Variants in SLC9C1 observed in about 807,000 individuals in gnomAD.
SLC9C1 encodes solute carrier family 9 member C1.
A neutral mutation model predicts 140.9 loss-of-function variants in SLC9C1; 97 were observed. That is an observed-to-expected ratio of 0.69 (90% CI 0.58 to 0.82). SLC9C1 has a LOEUF of 0.82. SLC9C1 is among the 40% of genes least tolerant of loss of function. The pLI is 0.00. For missense variants in SLC9C1, 1,340 were observed against 1,389.3 expected, an observed-to-expected ratio of 0.96 and a Z score of 0.56; for synonymous variants, 440 against 442.6, an observed-to-expected ratio of 0.99 and a Z score of 0.07.
At chr3:112,253,282 G>C (rs1411951810) in intron 10 of SLC9C1, among the ~76,000 whole-genome samples, 1 of 152,314 alleles carries the variant, frequency 6.6e-6, no homozygotes, top group East Asian at 1.9e-4. Flanking sequence ...GAAGGCAACA[G>C]TGAGATCACA....
At chr3:112,227,936 C>G (rs988349324) in intron 13 of SLC9C1, among the ~76,000 whole-genome samples, 1 of 152,004 alleles carries the variant, frequency 6.6e-6, no homozygotes, top group Admixed American at 6.6e-5. Flanking sequence ...GGAAGACATC[C>G]CATGTTCATA....
At chr3:112,265,984 A>G (rs1444302868) in intron 8 of SLC9C1, among the ~76,000 whole-genome samples, 1 of 152,142 alleles carries the variant, frequency 6.6e-6, no homozygotes, top group Non-Finnish European at 1.5e-5. Context: ...ATTATTGAGG[A>G]GATAATCAGA....
At chr3:112,293,674 A>G (rs1407654783) in intron 1 of SLC9C1, among the ~76,000 whole-genome samples, 1 of 152,116 alleles carries the variant, frequency 6.6e-6, no homozygotes, top group Non-Finnish European at 1.5e-5. Context: ...TGGGTGGGCT[A>G]TTGCCCTCCT....
chr3:112,179,473 T>G, intron 23 of SLC9C1, 58 bp downstream of exon 23: 2 of 1,527,122 alleles, frequency 1.3e-6, no homozygotes, highest in African/African-American at 1.4e-5. Context: ...TAAAATAACC[T>G]TAAATCTGAT....
chr3:112,149,602 G>A (rs1470052756), intron 28 of SLC9C1, among the ~76,000 whole-genome samples: 1 of 152,074 alleles, frequency 6.6e-6, no homozygotes, highest in African/African-American at 2.4e-5. Context: ...CACAATCTAT[G>A]TCTAGGGAGG....
intron 21 of SLC9C1, 135 bp from the exon 22 acceptor site, chr3:112,180,797 G>A: frequency 1.5e-6 from 1 of 667,588 alleles, no homozygotes; most frequent in Non-Finnish European, 2.5e-6. Context: ...GTGCAGTGGT[G>A]CAATCTTGGC....
chr3:112,150,264 C>G (rs1249023707), intron 28 of SLC9C1, among the ~76,000 whole-genome samples: 1 of 152,188 alleles, frequency 6.6e-6, no homozygotes, highest in Non-Finnish European at 1.5e-5. Flanking sequence ...GCATCCTGCT[C>G]TCATCCCAGG....
intron 19 of SLC9C1, among the ~76,000 whole-genome samples, chr3:112,199,693 A>G (rs527635750): frequency 1.3e-5 from 2 of 152,154 alleles, no homozygotes; most frequent in Non-Finnish European, 2.9e-5. Context: ...GCCCAAGTCC[A>G]TGGAGAAGGA....
intron 15 of SLC9C1, among the ~76,000 whole-genome samples, chr3:112,210,519 G>C (rs2078173473): frequency 6.6e-6 from 1 of 152,206 alleles, no homozygotes; most frequent in Non-Finnish European, 1.5e-5. Context: ...ACAGACTGGT[G>C]CTTTCCAGGA....
intron 13 of SLC9C1, among the ~76,000 whole-genome samples, chr3:112,225,698 G>T (rs924067184): frequency 1.3e-5 from 2 of 152,010 alleles, no homozygotes; most frequent in Non-Finnish European, 2.9e-5. Flanking sequence ...CTGTAAAGAC[G>T]CCCACAGACT....
chr3:112,197,636 A>G (rs748575409), intron 20 of SLC9C1, among the ~76,000 whole-genome samples: 10 of 152,172 alleles, frequency 6.6e-5, no homozygotes, highest in Non-Finnish European at 1.3e-4. Flanking sequence ...GATTTCCAAA[A>G]TAGTTACATC....
At chr3:112,263,382 G>A (rs576555024) in intron 9 of SLC9C1, among the ~76,000 whole-genome samples, 3 of 152,012 alleles carry the variant, frequency 2.0e-5, no homozygotes, top group Non-Finnish European at 2.9e-5. Context: ...AGAAAAGTTC[G>A]AGATGTGTTG....
At chr3:112,177,979 T>C (rs922977807) in intron 23 of SLC9C1, among the ~76,000 whole-genome samples, 13 of 151,928 alleles carry the variant, frequency 8.6e-5, no homozygotes, top group African/African-American at 3.1e-4. Context: ...AAATATCATT[T>C]AGTATTCTGT....
In SLC9C1 at chr3:112,202,355, A is replaced by ACTC; in HGVS notation, c.2214_2216dup (p.Met738_Ser739insArg). 6.2e-7 allele frequency: 1 copy of ACTC among 1,607,408 alleles called. No homozygotes were observed. Among genetic ancestry groups the ACTC allele is most frequent in the Non-Finnish European group, 8.5e-7 (1 of 1,176,842 alleles). ...TTCCATACCAAAAGGTCTTCTGATG[A>ACTC]CTCATTCTTTTATCTATTATTTGCA... On this transcript the variant is annotated inframe_insertion, in exon 18 of 29. Transcript: ENST00000305815.
intron 20 of SLC9C1, chr3:112,185,978 G>C: frequency 6.4e-7 from 1 of 1,556,168 alleles, no homozygotes; most frequent in Non-Finnish European, 8.6e-7. Flanking sequence ...CTCTGCTGCC[G>C]GCTGGGACCC....
chr3:112,144,559 T>C (rs2074729732), intron 28 of SLC9C1, among the ~76,000 whole-genome samples: 1 of 152,214 alleles, frequency 6.6e-6, no homozygotes, highest in Admixed American at 6.5e-5. Flanking sequence ...TTTAACAATA[T>C]TGATTCTTCT....
chr3:112,202,474 A>C, intron 17 of SLC9C1, 75 bp from the exon 18 acceptor site: 3 of 1,382,744 alleles, frequency 2.2e-6, no homozygotes, highest in Non-Finnish European at 2.9e-6. Flanking sequence ...GTTTAATCAA[A>C]ATAGTTAATA....
At chr3:112,274,808 A>ACTT (rs2080169019) in intron 6 of SLC9C1, 89 bp downstream of exon 6, 4 of 1,212,838 alleles carry the variant, frequency 3.3e-6, no homozygotes, top group Non-Finnish European at 4.4e-6. Context: ...TACAAATATA[A>ACTT]CTTATGGTAG....
At chr3:112,276,374 A>ATC (rs2080214147) in intron 5 of SLC9C1, among the ~76,000 whole-genome samples, 1 of 137,230 alleles carries the variant, frequency 7.3e-6, no homozygotes, top group Non-Finnish European at 1.6e-5. Context: ...AAGTATATAT[A>ATC]TATATGAAAA....
Sources: gnomAD v4.1 joint callset for allele counts (sites outside exome capture counted in the v4.1 genomes callset) on GRCh38, gnomAD v4.1.1 for gene constraint, MANE v1.5 for transcripts, NCBI Gene and HGNC (gene_info 2026-07-23, HGNC 2026-07-21) for gene names.